TNC: variants seen among roughly 807,000 people sequenced by gnomAD.
TNC encodes the protein tenascin C, also known as tenascin.
Under a neutral mutation model 202.4 loss-of-function variants are expected in TNC, and 109 were observed. The observed-to-expected ratio is 0.54, with a 90% confidence interval of 0.46 to 0.63. The LOEUF is 0.63. TNC is among the 30% of genes least tolerant of loss of function. TNC has a pLI of 0.00. For synonymous variants in TNC, 1,007 were observed against 1,089.7 expected (o/e 0.92, Z 1.50); for missense variants, 2,756 against 2,833.3 (o/e 0.97, Z 0.62).
rs565247693 is a variant in TNC, at chr9:115,056,574, A to G, written c.4579+579T>C. ...TCTGAGGGCAAGACAGCATGTTCTG[A>G]TCTTCTAGAGGTGGTGTTGGAACTG... On this transcript the variant is annotated intron_variant, in intron 15 of 27. Transcript: ENST00000350763. Among the ~76,000 whole-genome samples, 3 of 152,284 alleles carry G rather than the reference A, an allele frequency of 2.0e-5. No homozygotes were observed. The South Asian group carries it at 6.2e-4, about 32-fold the overall frequency.
chr9:115,074,120 T>C (rs534470465), intron 9 of TNC, among the ~76,000 whole-genome samples: 2 of 152,338 alleles, frequency 1.3e-5, no homozygotes, highest in South Asian at 2.1e-4. Flanking sequence ...CATAAAATGC[T>C]GCTCAGATTT....
intron 19 of TNC, 113 bp from the exon 20 acceptor site, chr9:115,038,493 C>T (rs974577546): frequency 7.2e-7 from 1 of 1,385,558 alleles, no homozygotes; most frequent in Non-Finnish European, 9.7e-7. Flanking sequence ...GTGTCAGCTG[C>T]ATGGAATGGT....
At chr9:115,047,829 C>A (rs971552873) in intron 16 of TNC, among the ~76,000 whole-genome samples, 1 of 152,138 alleles carries the variant, frequency 6.6e-6, no homozygotes, top group Non-Finnish European at 1.5e-5. Context: ...CAATGACGAG[C>A]CCACTGGGTA....
At chr9:115,060,570 A>T (rs966051494) in intron 13 of TNC, among the ~76,000 whole-genome samples, 1 of 152,232 alleles carries the variant, frequency 6.6e-6, no homozygotes, top group African/African-American at 2.4e-5. Context: ...AATAAGTGTC[A>T]GCTTAATAAA....
In TNC at chr9:115,030,300, G is replaced by A. The variant is rs200465690; in HGVS notation, c.6026C>T (p.Ala2009Val). Reference sequence around the variant, plus strand: ...GGTCATGTCACAGAAGACTTCCAGCGCCTCAGCCTTATCACCATTCAGATA... The same window carrying A: ...GGTCATGTCACAGAAGACTTCCAGCACCTCAGCCTTATCACCATTCAGATA... The part of the protein sequence containing the change: ...TIYLNGDKAE[A>V]LEVFCDMTSD... Residue 2009 changes from alanine (A) to valine (V), a missense_variant, in exon 24 of 28, where the codon GCG (alanine) becomes GTG (valine). Ala to Val is a moderately conservative substitution (Grantham distance 64, BLOSUM62 0). Transcript: ENST00000350763. 1.0e-4 allele frequency: 163 copies of A among 1,613,678 alleles called. No individual in the cohort carries two copies. The highest frequency in any genetic ancestry group is 8.0e-4 in the East Asian group (36 of 44,864).
At position 115,085,869 on chromosome 9, in the gene TNC, G is replaced by A. The variant is rs1264634889; in HGVS notation, c.1862C>T (p.Ser621Leu). 3.1e-6 allele frequency: 5 copies of A among 1,604,310 alleles called. No individual in the cohort carries two copies. Among genetic ancestry groups the A allele is most frequent in the Non-Finnish European group, 4.3e-6 (5 of 1,172,386 alleles). ...CNEGYSGEDC[S>L]EVSPPKDLVV... ...GTCTGCGCCCTGGCACTCACCCTCT[G>A]AGCAGTCTTCTCCGCTGTAGCCCTC... is the stretch of plus-strand genomic sequence containing the variant. The change falls in exon 3 of 28, where the codon TCA becomes TTA. Residue 621 changes from serine (S) to leucine (L), a missense_variant. Physicochemically the swap from Ser to Leu is moderately radical, Grantham distance 145. Coordinates refer to ENST00000350763, the MANE Select transcript of TNC (RefSeq NM_002160.4).
chr9:115,114,531 A>C (rs1367810102), intron 1 of TNC, among the ~76,000 whole-genome samples: 3 of 152,210 alleles, frequency 2.0e-5, no homozygotes, highest in East Asian at 3.9e-4. Flanking sequence ...TTCCAGGCAG[A>C]GAGTTGCACC....
chr9:115,046,164 T>A (rs1341598902), intron 17 of TNC, among the ~76,000 whole-genome samples: 1 of 152,246 alleles, frequency 6.6e-6, no homozygotes, highest in African/African-American at 2.4e-5. Context: ...CTGCCAGGCC[T>A]TCCGCTATGG....
intron 1 of TNC, among the ~76,000 whole-genome samples, chr9:115,095,907 G>A (rs994273732): frequency 6.6e-6 from 1 of 151,806 alleles, no homozygotes; most frequent in African/African-American, 2.4e-5. Context: ...TGCAAAGAAG[G>A]GAATCAGGAA....
chr9:115,082,137 T>C (rs1310810750), intron 5 of TNC, among the ~76,000 whole-genome samples: 1 of 152,240 alleles, frequency 6.6e-6, no homozygotes, highest in African/African-American at 2.4e-5. Flanking sequence ...TCGTAAACTT[T>C]TACCCCTTTG....
chr9:115,063,293 A>G, intron 12 of TNC, 104 bp from the exon 13 acceptor site: 3 of 1,242,614 alleles, frequency 2.4e-6, no homozygotes, highest in Non-Finnish European at 3.4e-6. Flanking sequence ...TTGTCTGGTT[A>G]GTGTTGATTA....
intron 1 of TNC, among the ~76,000 whole-genome samples, chr9:115,094,613 A>T (rs1835476662): frequency 2.6e-5 from 4 of 152,198 alleles, no homozygotes; most frequent in Non-Finnish European, 1.5e-5. Context: ...TCTTTAGAAA[A>T]CACAGATTCT....
chr9:115,079,043 G>C (rs1834099661), intron 6 of TNC, among the ~76,000 whole-genome samples: 1 of 152,130 alleles, frequency 6.6e-6, no homozygotes, highest in Admixed American at 6.5e-5. Context: ...GGCTGCCACT[G>C]TCCTTGAAGA....
At chr9:115,036,356 G>A (rs543990802) in intron 20 of TNC, 115 bp from the exon 21 acceptor site, 53 of 1,159,338 alleles carry the variant, frequency 4.6e-5, no homozygotes, top group South Asian at 1.7e-4. Context: ...GTGACCCTGC[G>A]GAAAAGCAGG....
At position 115,059,872 on chromosome 9, in the gene TNC, C is replaced by T. The variant is rs752216327; in HGVS notation, c.4164G>A (p.Glu1388=). 3 of 1,614,008 alleles carry T rather than the reference C, an allele frequency of 1.9e-6. No individual in the cohort carries two copies. The highest frequency in any genetic ancestry group is 2.7e-5 in the African/African-American group (2 of 74,912). The change falls in exon 14 of 28, where the codon GAG becomes GAA. Residue 1388 remains glutamate, a synonymous_variant. Transcript: ENST00000350763. The stretch of plus-strand genomic sequence containing the variant: ...CAGGCAACGTGAGGTTCTGGGCTGC[C>T]TCCACTTTGTTGACCTCCTGCACCT... ...VIQVQEVNKV[E]AAQNLTLPGS...
intron 15 of TNC, chr9:115,052,797 C>A (rs1376569942): frequency 4.3e-6 from 3 of 702,636 alleles, no homozygotes; most frequent in Non-Finnish European, 7.8e-6. Flanking sequence ...GTGGTTCCTG[C>A]CACACTGACG....
chr9:115,033,170 T>C (rs1010183262), intron 22 of TNC, among the ~76,000 whole-genome samples: 8 of 152,322 alleles, frequency 5.3e-5, no homozygotes, highest in Non-Finnish European at 1.0e-4. Context: ...TGATCTTGCA[T>C]GCGGGTTTCC....
chr9:115,094,365 T>C (rs1835456817), intron 1 of TNC, among the ~76,000 whole-genome samples: 1 of 152,114 alleles, frequency 6.6e-6, no homozygotes, highest in Admixed American at 6.5e-5. Flanking sequence ...AGGAGGTAAA[T>C]TTACTAGAAC....
At chr9:115,075,899 G>A (rs981873023) in intron 9 of TNC, 133 bp downstream of exon 9, 15 of 720,298 alleles carry the variant, frequency 2.1e-5, no homozygotes, top group Non-Finnish European at 3.2e-5. Flanking sequence ...CAACATTGGG[G>A]CTAGATGGTA....
Sources: allele counts gnomAD v4.1 joint callset (sites outside exome capture counted in the v4.1 genomes callset), GRCh38; gene constraint gnomAD v4.1.1; transcripts MANE v1.5; gene names NCBI Gene and HGNC (gene_info 2026-07-23, HGNC 2026-07-21).